Variants in PKHD1L1 observed in about 807,000 individuals in gnomAD.
The protein encoded by PKHD1L1 is PKHD1 like 1.
PKHD1L1 carries 434 observed loss-of-function variants against 462.9 expected under a neutral mutation model. That is an observed-to-expected ratio of 0.94 (90% CI 0.87 to 1.02). The LOEUF is 1.02. Ranked by LOEUF, PKHD1L1 falls within the 50% of genes least tolerant of loss-of-function variation. PKHD1L1 has a pLI of 0.00. For missense variants in PKHD1L1, 5,202 were observed against 5,096.1 expected (o/e 1.02, Z -0.63); for synonymous variants, 1,781 against 1,750.0 (o/e 1.02, Z -0.44).
intron 38 of PKHD1L1, among the ~76,000 whole-genome samples, chr8:109,446,753 T>C (rs541909972): frequency 6.6e-6 from 1 of 152,304 alleles, no homozygotes; most frequent in South Asian, 2.1e-4. Context: ...ATTTTTTTTT[T>C]CAAAACAATG....
rs1344020683 is a variant in PKHD1L1, at chr8:109,533,509, G to C, written c.*3419G>C. On this transcript the variant is annotated 3_prime_UTR_variant, in exon 78 of 78. Coordinates refer to ENST00000378402, the MANE Select transcript of PKHD1L1 (RefSeq NM_177531.6). ...TATTGGCTGGGCACTGGGCCACCTA[G>C]AACAAAGACAATTTCCCAGCTTCAC... Among the ~76,000 whole-genome samples, 1 of 152,170 alleles carries C rather than the reference G, an allele frequency of 6.6e-6. No individual in the cohort carries two copies. Among genetic ancestry groups the C allele is most frequent in the African/African-American group, 2.4e-5 (1 of 41,430 alleles).
At position 109,512,887 on chromosome 8, in the gene PKHD1L1, A is replaced by T. The variant is rs534787347; in HGVS notation, c.11553+1953A>T. 1.2e-3 allele frequency among the ~76,000 whole-genome samples: 176 copies of T among 151,616 alleles called. 1 individual carries two copies. The highest frequency in any genetic ancestry group is 8.9e-5 in the Non-Finnish European group (6 of 67,748). ...TTTATTTCCTTGAGCAGTGGTTTGT[A>T]GTTCTCCTTGAAGAGGTCCTTCACA... is the stretch of plus-strand genomic sequence containing the variant. On this transcript the variant is annotated intron_variant, in intron 71 of 77. Transcript: ENST00000378402.
chr8:109,454,572 T>C lies in PKHD1L1; in HGVS notation c.6745-151T>C, dbSNP rs540069375. 2.9e-5 allele frequency: 34 copies of C among 1,168,080 alleles called. No homozygotes were observed. In the South Asian group the frequency reaches 4.5e-4, roughly 16 times the overall value. 72.4% of individuals were successfully genotyped at this position (1,168,080 alleles called of 1,614,324 possible). On this transcript the variant is annotated intron_variant, in intron 44 of 77. Transcript: ENST00000378402. Reference sequence around the variant, plus strand: ...GTATTTATTTGGCTGACTAGAAAATTAAAGGTTTATCTTTCAAAAGAAAGA... The same window carrying C: ...GTATTTATTTGGCTGACTAGAAAATCAAAGGTTTATCTTTCAAAAGAAAGA...
chr8:109,444,392 T>C (rs996121012), intron 37 of PKHD1L1, among the ~76,000 whole-genome samples: 1 of 152,210 alleles, frequency 6.6e-6, no homozygotes, highest in African/African-American at 2.4e-5. Flanking sequence ...TTAAGCAACC[T>C]TTTATTTATC....
At position 109,522,355 on chromosome 8, in the gene PKHD1L1, G is replaced by GA. The variant is rs1260170617; in HGVS notation, c.12183+24dup. The GA allele has an allele frequency of 4.6e-6, 7 of 1,512,058 alleles. No homozygotes were observed. The East Asian group carries it at 1.2e-4, about 26-fold the overall frequency. 93.7% of individuals were successfully genotyped at this position (1,512,058 alleles called of 1,614,324 possible). A position where few individuals can be genotyped will look rare whatever the true frequency, so the allele number is the denominator to read the frequency against. Reference sequence around the variant, plus strand: ...GGATTAAGGTAAGAAAATGCAACTAGAAAAAATGCATTTTTTGGGACTTAA... The same window carrying GA: ...GGATTAAGGTAAGAAAATGCAACTAGAAAAAAATGCATTTTTTGGGACTTAA... On this transcript the variant is annotated intron_variant, in intron 74 of 77. Coordinates refer to ENST00000378402, the MANE Select transcript of PKHD1L1 (RefSeq NM_177531.6).
chr8:109,469,408 C>T (rs1206317401), intron 50 of PKHD1L1, among the ~76,000 whole-genome samples: 2 of 152,086 alleles, frequency 1.3e-5, no homozygotes, highest in East Asian at 3.9e-4. Context: ...ACCAATATCC[C>T]CCTACATTCC....
Position 109,457,000 on chromosome 8 carries a change from A to AT in PKHD1L1, c.7004+615dup, listed in dbSNP as rs1436601251. On this transcript the variant is annotated intron_variant, in intron 46 of 77. Coordinates refer to ENST00000378402, the MANE Select transcript of PKHD1L1 (RefSeq NM_177531.6). ...TGACCCTTAATTTCTGTTTAATTAC[A>AT]TTTTTTAGCAAATAAGACATAAAAG... 2.6e-5 allele frequency among the ~76,000 whole-genome samples: 4 copies of AT among 152,262 alleles called. No individual in the cohort carries two copies. The South Asian group carries it at 6.2e-4, about 24-fold the overall frequency.
intron 53 of PKHD1L1, among the ~76,000 whole-genome samples, chr8:109,479,123 A>T (rs1457189290): frequency 2.6e-5 from 4 of 152,186 alleles, no homozygotes; most frequent in Non-Finnish European, 5.9e-5. Flanking sequence ...CACCAATTTT[A>T]TAATAATATC....
chr8:109,492,130 T>A (rs1818864245), intron 62 of PKHD1L1, 136 bp downstream of exon 62: 6 of 682,556 alleles, frequency 8.8e-6, no homozygotes, highest in South Asian at 3.9e-5. Flanking sequence ...CATTGATTTT[T>A]TTTTTTTTCT....
chr8:109,383,245 CAT>C (rs1247568909), intron 4 of PKHD1L1, among the ~76,000 whole-genome samples: 1 of 75,766 alleles, frequency 1.3e-5, no homozygotes, highest in African/African-American at 4.7e-5. Flanking sequence ...TTATATATAA[CAT>C]ATATAATAGA....
Position 109,425,456 on chromosome 8 carries a change from G to A in PKHD1L1, c.2845+224G>A, listed in dbSNP as rs368852115. On this transcript the variant is annotated intron_variant, in intron 24 of 77. Coordinates refer to ENST00000378402, the MANE Select transcript of PKHD1L1 (RefSeq NM_177531.6). ...TCAATTAATAGCCAATCATAAAGGTGTTTCAAATCCTTCTTTTTAATAGAT... is the reference window on the plus strand; with the variant it reads ...TCAATTAATAGCCAATCATAAAGGTATTTCAAATCCTTCTTTTTAATAGAT... Among the ~76,000 whole-genome samples the A allele has an allele frequency of 4.6e-5, 7 of 151,876 alleles. 1 individual carries two copies.
At chr8:109,404,269 A>G (rs1004417119) in intron 14 of PKHD1L1, among the ~76,000 whole-genome samples, 1 of 152,184 alleles carries the variant, frequency 6.6e-6, no homozygotes, top group African/African-American at 2.4e-5. Context: ...GATGTTGAGT[A>G]TAAGAAATAG....
At chr8:109,504,623 G>A (rs911429770) in intron 68 of PKHD1L1, 131 bp downstream of exon 68, 5 of 514,246 alleles carry the variant, frequency 9.7e-6, no homozygotes, top group Non-Finnish European at 1.3e-5. Flanking sequence ...TGAGCATTAT[G>A]AAAATTAAGA....
chr8:109,479,012 C>A (rs75908462), intron 53 of PKHD1L1, among the ~76,000 whole-genome samples: 2,668 of 151,936 alleles, frequency 0.018, 38 homozygotes, highest in Non-Finnish European at 0.029. Flanking sequence ...CGTAACATGG[C>A]AAATAAGAAG....
intron 45 of PKHD1L1, among the ~76,000 whole-genome samples, chr8:109,455,092 C>G (rs994996186): frequency 6.6e-6 from 1 of 152,178 alleles, no homozygotes. Flanking sequence ...AATCCCAGCA[C>G]CTGGGGAAGC....
At chr8:109,522,054 G>A (rs915054891) in intron 73 of PKHD1L1, 132 bp from the exon 74 acceptor site, 5 of 844,870 alleles carry the variant, frequency 5.9e-6, no homozygotes, top group Admixed American at 7.5e-5. Flanking sequence ...GTTTTGCTCA[G>A]GTAAGACTAG....
Position 109,498,771 on chromosome 8 carries a change from G to A in PKHD1L1, c.10828G>A (p.Gly3610Ser), listed in dbSNP as rs1352280772. Residue 3610 changes from glycine (G) to serine (S), a missense_variant and splice_region_variant, in exon 67 of 78, where the codon GGT becomes AGT. This residue lies in a region of PKHD1L1 where 4,497 missense variants were observed against 4,336.8 expected (regional missense o/e 1.04). Coordinates refer to ENST00000378402, the MANE Select transcript of PKHD1L1 (RefSeq NM_177531.6). The stretch of plus-strand genomic sequence containing the variant: ...CATCAGTGGCCTTTTGGACATCTCA[G>A]GCAAGTACACAGTCTTTTACAAATC... ...NAISGLLDIS[G>S]STFVGFKNVC... 5.6e-6 allele frequency: 9 copies of A among 1,596,848 alleles called. No homozygotes were observed. Among genetic ancestry groups the A allele is most frequent in the African/African-American group, 1.3e-5 (1 of 74,586 alleles).
At position 109,479,502 on chromosome 8, in the gene PKHD1L1, G is replaced by A. The variant is rs16879636; in HGVS notation, c.9090-49G>A. 2.0e-3 allele frequency: 2,348 copies of A among 1,191,798 alleles called. 29 individuals carry two copies. In the African/African-American group the frequency reaches 0.031, roughly 16 times the overall value. 73.8% of individuals were successfully genotyped at this position (1,191,798 alleles called of 1,614,324 possible). On this transcript the variant is annotated intron_variant, in intron 53 of 77. Transcript: ENST00000378402. ...CGGTTTACATTTTAGACAAAATTAG[G>A]GAATATCACAAGTAGTAATTCATGG...
chr8:109,452,323 C>T (rs780185824), intron 42 of PKHD1L1, 43 bp downstream of exon 42: 1 of 1,453,566 alleles, frequency 6.9e-7, no homozygotes, highest in South Asian at 1.6e-5. Context: ...AATAGAAAAC[C>T]AGCATTATGG....
Sources: allele counts gnomAD v4.1 joint callset (sites outside exome capture counted in the v4.1 genomes callset), GRCh38; gene constraint gnomAD v4.1.1; regional missense constraint gnomAD v4.1.1; transcripts MANE v1.5; gene names NCBI Gene and HGNC (gene_info 2026-07-23, HGNC 2026-07-21).